The following IFT27 variants were observed in gnomAD, a reference collection of about 807,000 sequenced individuals.
IFT27 encodes intraflagellar transport 27, also known as intraflagellar transport protein 27 homolog.
A neutral mutation model predicts 23.9 loss-of-function variants in IFT27; 19 were observed. The ratio of observed to expected loss-of-function variants is 0.79; its 90% CI spans 0.55 to 1.16. The LOEUF (loss-of-function observed/expected upper bound fraction) is 1.16, where lower values mean the gene tolerates loss of function less well. IFT27 is among the 50% of genes most tolerant of loss of function. IFT27 has a pLI of 0.00. For synonymous variants in IFT27, 91 were observed against 89.1 expected, an observed-to-expected ratio of 1.02 and a Z score of -0.12; for missense variants, 206 against 228.7, an observed-to-expected ratio of 0.90 and a Z score of 0.64.
At chr22:36,764,426 G>A (rs1938188915) in intron 4 of IFT27, among the ~76,000 whole-genome samples, 1 of 152,260 alleles carries the variant, frequency 6.6e-6, no homozygotes, top group African/African-American at 2.4e-5. Flanking sequence ...AGACAACGAT[G>A]ACAGAGATGG....
intron 1 of IFT27, chr22:36,772,498 C>T: frequency 1.0e-6 from 1 of 985,278 alleles, no homozygotes; most frequent in Non-Finnish European, 1.2e-6. Context: ...AAATACAGAT[C>T]AATGTCAAAT....
intron 3 of IFT27, 31 bp from the exon 4 acceptor site, chr22:36,766,228 C>T (rs531661691): frequency 1.1e-5 from 18 of 1,597,496 alleles, no homozygotes; most frequent in East Asian, 8.9e-5. Context: ...AAAGTCTCCA[C>T]GTGGAAAAAC....
At position 36,775,736 on chromosome 22, in the gene IFT27, C is replaced by G; in HGVS notation, c.-29G>C. 4 of 1,613,980 alleles carry G rather than the reference C, an allele frequency of 2.5e-6. No individual in the cohort carries two copies. The highest frequency in any genetic ancestry group is 3.4e-6 in the Non-Finnish European group (4 of 1,179,912). On this transcript the variant is annotated 5_prime_UTR_variant, in exon 1 of 7. Coordinates refer to ENST00000433985, the MANE Select transcript of IFT27 (RefSeq NM_001177701.3). ...AACCAACACTCCCGCGAGCCGTACCCAGAGGACAAGAGCGGCTGCTAGAGA... is the reference window on the plus strand; with the variant it reads ...AACCAACACTCCCGCGAGCCGTACCGAGAGGACAAGAGCGGCTGCTAGAGA...
At chr22:36,769,304 C>T (rs923152406) in intron 1 of IFT27, among the ~76,000 whole-genome samples, 1 of 152,178 alleles carries the variant, frequency 6.6e-6, no homozygotes, top group Non-Finnish European at 1.5e-5. Flanking sequence ...CCCAGGATTC[C>T]AACCTCACGC....
At chr22:36,760,417 C>T (rs1217599487) in intron 6 of IFT27, 1 of 152,232 alleles carries the variant, frequency 6.6e-6, no homozygotes, top group Non-Finnish European at 1.5e-5. Flanking sequence ...TTTCCAAATA[C>T]TTTGAGAGGG....
chr22:36,765,299 G>T (rs540303096), intron 4 of IFT27, among the ~76,000 whole-genome samples: 1 of 152,168 alleles, frequency 6.6e-6, no homozygotes, highest in Non-Finnish European at 1.5e-5. Flanking sequence ...AGTCAGGGCC[G>T]GCTGGAGGGG....
At chr22:36,764,777 G>A (rs1352724574) in intron 4 of IFT27, among the ~76,000 whole-genome samples, 1 of 152,232 alleles carries the variant, frequency 6.6e-6, no homozygotes, top group East Asian at 1.9e-4. Flanking sequence ...GCCTTCAGGG[G>A]CTGCTCAGAG....
intron 6 of IFT27, chr22:36,759,759 C>A (rs1310946543): frequency 6.6e-6 from 1 of 152,234 alleles, no homozygotes; most frequent in African/African-American, 2.4e-5. Context: ...TTGCAGAAGG[C>A]ATCAAGCGCG....
chr22:36,768,353 A>C (rs1186893537), intron 1 of IFT27: 1 of 320,136 alleles, frequency 3.1e-6, no homozygotes, highest in African/African-American at 2.2e-5. Flanking sequence ...GGGTCTCTGC[A>C]TTTGTGGGAA....
chr22:36,771,568 C>G (rs894729208), intron 1 of IFT27, among the ~76,000 whole-genome samples: 1 of 152,074 alleles, frequency 6.6e-6, no homozygotes, highest in South Asian at 2.1e-4. Context: ...CGGGACCAGC[C>G]GGGCAGGGCC....
At chr22:36,773,027 G>A (rs760321266) in intron 1 of IFT27, among the ~76,000 whole-genome samples, 21 of 152,194 alleles carry the variant, frequency 1.4e-4, no homozygotes, top group Non-Finnish European at 1.5e-5. Flanking sequence ...CTGCACTCAG[G>A]TGAAAGAACT....
At chr22:36,760,247 T>A (rs957621429) in intron 6 of IFT27, 1 of 152,226 alleles carries the variant, frequency 6.6e-6, no homozygotes, top group Non-Finnish European at 1.5e-5. Flanking sequence ...GGAAAAAGAC[T>A]GAGGCCTGCA....
chr22:36,767,413 GAGCAT>G, intron 2 of IFT27, 48 bp from the exon 3 acceptor site: 1 of 1,557,610 alleles, frequency 6.4e-7, no homozygotes, highest in Non-Finnish European at 8.8e-7. Context: ...CCCAAAGGGA[GAGCAT>G]GTTACAGGAG....
intron 1 of IFT27, among the ~76,000 whole-genome samples, chr22:36,774,311 C>T (rs1938449791): frequency 6.6e-6 from 1 of 152,174 alleles, no homozygotes; most frequent in South Asian, 2.1e-4. Context: ...TTTTTTAAAA[C>T]AGGAATCTCT....
At chr22:36,770,106 G>C (rs1410764077) in intron 1 of IFT27, among the ~76,000 whole-genome samples, 1 of 152,232 alleles carries the variant, frequency 6.6e-6, no homozygotes, top group Non-Finnish European at 1.5e-5. Flanking sequence ...GGGGAGGGAG[G>C]CTTCCCTAGG....
chr22:36,768,109 A>G lies in IFT27; in HGVS notation c.35-247T>C, dbSNP rs752201398. On this transcript the variant is annotated intron_variant, in intron 1 of 6. Coordinates refer to ENST00000433985, the MANE Select transcript of IFT27 (RefSeq NM_001177701.3). ...CTTTTATCCACAGGAACTGACCCAG[A>G]AGGTAACAGAACTTACAGAGGGCTT... 53 of 624,450 alleles carry G rather than the reference A, an allele frequency of 8.5e-5. No homozygotes were observed. The East Asian group carries it at 1.8e-3, about 21-fold the overall frequency. 38.7% of individuals were successfully genotyped at this position (624,450 alleles called of 1,614,324 possible).
At position 36,768,261 on chromosome 22, in the gene IFT27, CAG is replaced by C. The variant is rs1345378507; in HGVS notation, c.35-401_35-400del. ...AAGAAGTGTGACTGGCACTGACAGG[CAG>C]AGTCACCTGTCCAACTGACCCAACC... On this transcript the variant is annotated intron_variant, in intron 1 of 6. Transcript: ENST00000433985. The C allele has an allele frequency of 1.9e-5, 7 of 363,378 alleles. No homozygotes were observed. In the East Asian group the frequency reaches 5.1e-4, roughly 27 times the overall value. 22.5% of individuals were successfully genotyped at this position (363,378 alleles called of 1,614,324 possible).
In IFT27 at chr22:36,775,887, GGGGCGGA is replaced by G. The variant is rs1385859678; in HGVS notation, c.-187_-181del. 1.7e-6 allele frequency: 1 copy of G among 572,114 alleles called. No individual in the cohort carries two copies. The highest frequency in any genetic ancestry group is 2.8e-5 in the East Asian group (1 of 35,374). 35.4% of individuals were successfully genotyped at this position (572,114 alleles called of 1,614,324 possible). On this transcript the variant is annotated 5_prime_UTR_variant, in exon 1 of 7. Coordinates refer to ENST00000433985, the MANE Select transcript of IFT27 (RefSeq NM_001177701.3). ...GACCGAGCCCGGCCCTTCTGGGCCG[GGGGCGGA>G]TATCGGGCGCTGGGGGCGGGTGGGC...
Position 36,775,879 on chromosome 22 carries a change from C to T in IFT27, c.-172G>A. The T allele has an allele frequency of 9.4e-6, 1 of 106,586 alleles. No individual in the cohort carries two copies. Among genetic ancestry groups the T allele is most frequent in the South Asian group, 1.5e-4 (1 of 6,676 alleles). The allele number at this position is 106,586 out of a possible 1,614,324, so 6.6% of individuals were successfully genotyped here. A position where few individuals can be genotyped will look rare whatever the true frequency, so the allele number is the denominator to read the frequency against. ...CTGGGGATGACCGAGCCCGGCCCTT[C>T]TGGGCCGGGGGCGGATATCGGGCGC... is the stretch of plus-strand genomic sequence containing the variant. On this transcript the variant is annotated 5_prime_UTR_variant, in exon 1 of 7. Coordinates refer to ENST00000433985, the MANE Select transcript of IFT27 (RefSeq NM_001177701.3).
Sources: gnomAD v4.1 joint callset for allele counts (sites outside exome capture counted in the v4.1 genomes callset) on GRCh38, gnomAD v4.1.1 for gene constraint, MANE v1.5 for transcripts, NCBI Gene and HGNC (gene_info 2026-07-23, HGNC 2026-07-21) for gene names.